Variants in ESR1 observed in about 807,000 individuals in gnomAD.
The protein encoded by ESR1 is estrogen receptor 1.
ESR1 carries 12 observed loss-of-function variants against 52.7 expected under a neutral mutation model. The observed-to-expected ratio is 0.23, with a 90% CI of 0.15 to 0.37. The LOEUF (loss-of-function observed/expected upper bound fraction) is 0.37. ESR1 is among the 10% of genes least tolerant of loss of function. ESR1 has a pLI of 1.00. For synonymous variants in ESR1, 305 were observed against 316.8 expected (o/e 0.96, Z 0.39); for missense variants, 584 against 779.7 (o/e 0.75, Z 2.99).
Position 151,951,101 on chromosome 6 carries a change from A to T in ESR1, c.1096+6593A>T, listed in dbSNP as rs547447576. On this transcript the variant is annotated intron_variant, in intron 4 of 7. Transcript: ENST00000206249. ...TTAATTTATAATTGTTAACAGTTTC[A>T]TGCATCTACCTCATAAATACCTTGT... 8.5e-5 allele frequency among the ~76,000 whole-genome samples: 13 copies of T among 152,266 alleles called. No homozygotes were observed. In the East Asian group the frequency reaches 2.3e-3, roughly 27 times the overall value.
At chr6:151,864,268 G>A (rs1186935843) in intron 2 of ESR1, among the ~76,000 whole-genome samples, 1 of 152,176 alleles carries the variant, frequency 6.6e-6, no homozygotes, top group African/African-American at 2.4e-5. Context: ...CCATCAACAA[G>A]TGGGTGAAGG....
chr6:151,954,118 G>A (rs750172596), intron 4 of ESR1, among the ~76,000 whole-genome samples: 6 of 152,130 alleles, frequency 3.9e-5, no homozygotes, highest in Admixed American at 2.0e-4. Context: ...ATTCATTGAC[G>A]AAATTAACTG....
At chr6:151,893,084 G>A (rs1014043278) in intron 3 of ESR1, among the ~76,000 whole-genome samples, 8 of 152,162 alleles carry the variant, frequency 5.3e-5, no homozygotes, top group Admixed American at 3.9e-4. Context: ...GCAGCTACTC[G>A]GGATACTGAG....
chr6:151,809,175 C>A, intron 1 of ESR1: 1 of 453,668 alleles, frequency 2.2e-6, no homozygotes, highest in Non-Finnish European at 4.7e-6. Flanking sequence ...CCCGGAGTGG[C>A]GTGCGGGTCA....
exon 7 of ESR1, chr6:152,128,659 C>G (rs778120501): frequency 6.6e-6 from 1 of 152,246 alleles, no homozygotes; most frequent in African/African-American, 2.4e-5. Flanking sequence ...AGGAAGAATG[C>G]GTATCTAAAA....
chr6:151,845,053 C>A (rs543118428), intron 2 of ESR1, among the ~76,000 whole-genome samples: 26 of 151,692 alleles, frequency 1.7e-4, no homozygotes, highest in Middle Eastern at 6.9e-3. Context: ...GAAACAATGG[C>A]AATATTCTCA....
chr6:151,815,837 T>C (rs1320048745), intron 1 of ESR1, among the ~76,000 whole-genome samples: 1 of 152,224 alleles, frequency 6.6e-6, no homozygotes, highest in Non-Finnish European at 1.5e-5. Context: ...CACTTCTCCT[T>C]GCAGCCCTCA....
intron 2 of ESR1, among the ~76,000 whole-genome samples, chr6:151,843,232 G>T (rs1784574578): frequency 6.6e-6 from 1 of 152,094 alleles, no homozygotes; most frequent in African/African-American, 2.4e-5. Flanking sequence ...ATTCTGTTTT[G>T]TTCTAGTTTA....
At chr6:152,040,003 T>C (rs1345509978) in intron 5 of ESR1, among the ~76,000 whole-genome samples, 2 of 152,218 alleles carry the variant, frequency 1.3e-5, no homozygotes, top group Non-Finnish European at 2.9e-5. Flanking sequence ...AAGCATTGCC[T>C]GCAGGATAGG....
At position 152,039,019 on chromosome 6, in the gene ESR1, A is replaced by C. The variant is rs181038020; in HGVS notation, c.1236-21972A>C. 8.0e-3 allele frequency among the ~76,000 whole-genome samples: 1,220 copies of C among 152,346 alleles called. 8 individuals are homozygous for C. Among genetic ancestry groups the C allele is most frequent in the African/African-American group, 0.016 (654 of 41,566 alleles). ...ATATTGTCTTAGTACAAGTGTATAC[A>C]GGCAGAAAGATGTTCTTAACAAAAT... On this transcript the variant is annotated intron_variant, in intron 5 of 7. Transcript: ENST00000206249.
intron 1 of ESR1, 53 bp downstream of exon 1, chr6:151,808,417 A>AGGGC: frequency 4.5e-6 from 1 of 224,648 alleles, no homozygotes. Context: ...GGCAGGAGGG[A>AGGGC]GGGAGGGAGG....
intron 1 of ESR1, among the ~76,000 whole-genome samples, chr6:151,668,562 C>T (rs548326733): frequency 9.2e-5 from 14 of 152,230 alleles, no homozygotes; most frequent in Middle Eastern, 6.8e-3. Flanking sequence ...GGATTACAGG[C>T]GTGAGCCACT....
At chr6:152,054,114 G>A (rs1038492365) in intron 5 of ESR1, among the ~76,000 whole-genome samples, 1 of 151,924 alleles carries the variant, frequency 6.6e-6, no homozygotes, top group Non-Finnish European at 1.5e-5. Flanking sequence ...ATTTAGCGCT[G>A]TCCCTCTCTC....
chr6:151,849,000 G>A (rs1785771182), intron 2 of ESR1, among the ~76,000 whole-genome samples: 1 of 151,910 alleles, frequency 6.6e-6, no homozygotes, highest in Non-Finnish European at 1.5e-5. Flanking sequence ...TCCTTCCTCA[G>A]GATCTCAGCA....
At chr6:151,832,918 A>T in intron 1 of ESR1, among the ~76,000 whole-genome samples, 1 of 152,162 alleles carries the variant, frequency 6.6e-6, no homozygotes, top group Non-Finnish European at 1.5e-5. Context: ...AGCAAAGATG[A>T]CTATAATAGG....
chr6:151,819,606 T>C (rs1780230664), intron 1 of ESR1, among the ~76,000 whole-genome samples: 1 of 152,206 alleles, frequency 6.6e-6, no homozygotes, highest in Non-Finnish European at 1.5e-5. Context: ...TTGTGTCCCA[T>C]CACCCCCAGA....
intron 4 of ESR1, among the ~76,000 whole-genome samples, chr6:151,949,007 C>T (rs1051742976): frequency 1.3e-5 from 2 of 152,188 alleles, no homozygotes; most frequent in Non-Finnish European, 2.9e-5. Context: ...TCTCTGAGCC[C>T]TGTTACAGCT....
intron 3 of ESR1, among the ~76,000 whole-genome samples, chr6:151,898,159 G>C (rs916683268): frequency 2.0e-5 from 3 of 152,098 alleles, no homozygotes; most frequent in Non-Finnish European, 2.9e-5. Flanking sequence ...ATAACCTTAT[G>C]ACAATGTGCC....
At chr6:151,686,563 C>T (rs1393991179), upstream of ESR1, among the ~76,000 whole-genome samples, 1 of 152,208 alleles carries the variant, frequency 6.6e-6, no homozygotes, top group Non-Finnish European at 1.5e-5. Context: ...CGGCGGGCAC[C>T]TGTAGTCCCA....
Sources: allele counts gnomAD v4.1 joint callset (sites outside exome capture counted in the v4.1 genomes callset), GRCh38; gene constraint gnomAD v4.1.1; transcripts MANE v1.5; gene names NCBI Gene and HGNC (gene_info 2026-07-23, HGNC 2026-07-21).